Variants in FILIP1L observed in about 807,000 individuals in gnomAD.
FILIP1L encodes filamin A interacting protein 1 like, also known as filamin A-interacting protein 1-like.
A neutral mutation model predicts 96.6 loss-of-function variants in FILIP1L; 55 were observed. The observed-to-expected ratio is 0.57, with a 90% CI of 0.46 to 0.71. The LOEUF is 0.71. FILIP1L is among the 30% of genes least tolerant of loss of function. The probability of loss-of-function intolerance (pLI) is 0.00; values close to 1 mark genes in which losing one functional copy is unlikely to be tolerated. For missense variants in FILIP1L, 1,304 were observed against 1,321.2 expected, an observed-to-expected ratio of 0.99 and a Z score of 0.20; for synonymous variants, 467 against 473.9, an observed-to-expected ratio of 0.99 and a Z score of 0.19.
intron 1 of FILIP1L, among the ~76,000 whole-genome samples, chr3:100,089,232 T>C (rs2066063439): frequency 6.6e-6 from 1 of 152,240 alleles, no homozygotes; most frequent in South Asian, 2.1e-4. Flanking sequence ...AGTAATCTTA[T>C]TGATCTGCTT....
At chr3:99,943,128 G>A (rs1194406243) in intron 1 of FILIP1L, among the ~76,000 whole-genome samples, 7 of 152,066 alleles carry the variant, frequency 4.6e-5, no homozygotes, top group African/African-American at 1.4e-4. Context: ...CTTTAAAGGC[G>A]AACTTAATTT....
At chr3:99,946,706 CGTG>C (rs1250648641) in intron 1 of FILIP1L, among the ~76,000 whole-genome samples, 3 of 152,140 alleles carry the variant, frequency 2.0e-5, no homozygotes, top group South Asian at 2.1e-4. Flanking sequence ...TGTAGTTTAA[CGTG>C]GTGGTGGCTA....
chr3:99,829,481 T>C lies in FILIP1L; in HGVS notation c.*933A>G, dbSNP rs1202172756. 2.0e-5 allele frequency among the ~76,000 whole-genome samples: 3 copies of C among 152,206 alleles called. No individual in the cohort carries two copies. Among genetic ancestry groups the C allele is most frequent in the Admixed American group, 2.0e-4 (3 of 15,278 alleles). On this transcript the variant is annotated 3_prime_UTR_variant, in exon 6 of 6. Coordinates refer to ENST00000477258, the MANE Select transcript of FILIP1L (RefSeq NM_001387850.1). The stretch of plus-strand genomic sequence containing the variant: ...TTGTATTAATAGTTGGGCATATTCA[T>C]AGGTTATCAGAACTGGAAGGGACCT...
Position 99,849,209 on chromosome 3 carries a change from T to G in FILIP1L, c.2467A>C (p.Ile823Leu). The change falls in exon 5 of 6, where the codon ATC (isoleucine) becomes CTC (leucine). Residue 823 changes from isoleucine to leucine, a missense_variant. Transcript: ENST00000477258. ...CTCTCCTCATATAACTGACCATTGA[T>G]GACTGCACGTTCCAGAGGAATGAGG... ...KSLIPLERAV[I>L]NGQLYEESEN... 1.2e-6 allele frequency: 2 copies of G among 1,614,170 alleles called. No homozygotes were observed. The highest frequency in any genetic ancestry group is 1.7e-6 in the Non-Finnish European group (2 of 1,180,008).
intron 4 of FILIP1L, among the ~76,000 whole-genome samples, chr3:99,882,301 G>A (rs1032883501): frequency 5.9e-5 from 9 of 152,040 alleles, no homozygotes; most frequent in Non-Finnish European, 1.2e-4. Flanking sequence ...TATGAAGGTG[G>A]CTTCTAATTG....
intron 1 of FILIP1L, among the ~76,000 whole-genome samples, chr3:99,961,519 T>C (rs996386056): frequency 1.2e-4 from 19 of 152,188 alleles, no homozygotes; most frequent in African/African-American, 4.3e-4. Flanking sequence ...TGCCAGCCCA[T>C]GTGTGAACCC....
At chr3:99,905,309 A>G (rs1183846882) in intron 4 of FILIP1L, among the ~76,000 whole-genome samples, 1 of 152,144 alleles carries the variant, frequency 6.6e-6, no homozygotes, top group African/African-American at 2.4e-5. Context: ...ATCTAGTCCC[A>G]TGTGTGCACT....
intron 1 of FILIP1L, among the ~76,000 whole-genome samples, chr3:99,941,075 A>G (rs1018318341): frequency 3.3e-5 from 5 of 152,258 alleles, no homozygotes; most frequent in African/African-American, 4.8e-5. Context: ...TGAAGCATAT[A>G]AGTTTAGTCT....
chr3:100,094,426 T>C (rs1377861250), intron 1 of FILIP1L, among the ~76,000 whole-genome samples: 2 of 152,192 alleles, frequency 1.3e-5, no homozygotes, highest in Admixed American at 6.5e-5. Context: ...CAAAAGTCTT[T>C]TGTTTTGATA....
chr3:99,894,405 C>T (rs1048647098), intron 4 of FILIP1L, among the ~76,000 whole-genome samples: 1 of 152,178 alleles, frequency 6.6e-6, no homozygotes, highest in African/African-American at 2.4e-5. Flanking sequence ...GCCCCATTAG[C>T]TTTGTGTGCT....
intron 1 of FILIP1L, among the ~76,000 whole-genome samples, chr3:100,111,081 C>A (rs1266466606): frequency 1.3e-5 from 2 of 152,118 alleles, no homozygotes; most frequent in East Asian, 3.8e-4. Flanking sequence ...TATTCTACTT[C>A]ATCATTCCAC....
chr3:100,007,579 A>T (rs751575307), intron 1 of FILIP1L, among the ~76,000 whole-genome samples: 7 of 152,210 alleles, frequency 4.6e-5, no homozygotes, highest in Non-Finnish European at 8.8e-5. Context: ...ACTCTCAGTT[A>T]TGTGACTGAG....
At chr3:100,045,838 A>T (rs1460017411) in intron 1 of FILIP1L, among the ~76,000 whole-genome samples, 1 of 152,142 alleles carries the variant, frequency 6.6e-6, no homozygotes, top group Non-Finnish European at 1.5e-5. Flanking sequence ...TGGCATTCCT[A>T]ATGATGATAA....
intron 1 of FILIP1L, among the ~76,000 whole-genome samples, chr3:100,073,570 C>T (rs1301955155): frequency 1.3e-5 from 2 of 152,154 alleles, no homozygotes; most frequent in African/African-American, 4.8e-5. Flanking sequence ...GTCCAGGATG[C>T]AAGAGAGGGA....
intron 4 of FILIP1L, among the ~76,000 whole-genome samples, chr3:99,860,333 AT>A (rs1257287976): frequency 6.6e-6 from 1 of 152,188 alleles, no homozygotes. Flanking sequence ...GAGAAGTGAA[AT>A]AAGATGGAAA....
At chr3:99,881,780 G>A (rs898797042) in intron 4 of FILIP1L, among the ~76,000 whole-genome samples, 8 of 152,056 alleles carry the variant, frequency 5.3e-5, no homozygotes, top group Non-Finnish European at 7.4e-5. Context: ...TGATCTGCCC[G>A]CCTCGGCCTT....
At chr3:99,971,256 C>T (rs930154638) in intron 1 of FILIP1L, among the ~76,000 whole-genome samples, 5 of 150,870 alleles carry the variant, frequency 3.3e-5, no homozygotes, top group African/African-American at 7.3e-5. Context: ...AGGAGAATGG[C>T]GTGAACCCGG....
At chr3:99,901,288 C>A (rs906385620) in intron 4 of FILIP1L, among the ~76,000 whole-genome samples, 2 of 152,152 alleles carry the variant, frequency 1.3e-5, no homozygotes. Context: ...GAAGAGTAGT[C>A]TCCCTTTACT....
chr3:99,989,679 TA>T (rs201704928), intron 1 of FILIP1L, among the ~76,000 whole-genome samples: 3,662 of 143,902 alleles, frequency 0.025, 78 homozygotes, highest in African/African-American at 0.055. Flanking sequence ...TATATATATA[TA>T]TATATTTTTT....
Sources: gnomAD v4.1 joint callset for allele counts (sites outside exome capture counted in the v4.1 genomes callset) on GRCh38, gnomAD v4.1.1 for gene constraint, MANE v1.5 for transcripts, NCBI Gene and HGNC (gene_info 2026-07-23, HGNC 2026-07-21) for gene names.